Variants in SCOC observed in about 807,000 individuals in gnomAD.
SCOC encodes short coiled coil protein.
Under a neutral mutation model 9.9 loss-of-function variants are expected in SCOC, and 7 were observed. The ratio of observed to expected loss-of-function variants is 0.71; its 90% CI spans 0.40 to 1.33. The LOEUF (loss-of-function observed/expected upper bound fraction) is 1.33. Among genes scored for constraint, SCOC ranks in the 40% most tolerant of loss-of-function variants. SCOC has a pLI of 0.01. For missense variants in SCOC, 66 were observed against 89.7 expected (o/e 0.74, Z 1.07); for synonymous variants, 19 against 28.2 (o/e 0.67, Z 1.03).
At chr4:140,348,591 C>CACACA (rs2126523230) in intron 2 of SCOC, among the ~76,000 whole-genome samples, 1 of 152,124 alleles carries the variant, frequency 6.6e-6, no homozygotes, top group Non-Finnish European at 1.5e-5. Flanking sequence ...CACACACACA[C>CACACA]ATCACATTTT....
chr4:140,326,717 GT>G (rs1432450185), intron 1 of SCOC, among the ~76,000 whole-genome samples: 3 of 151,940 alleles, frequency 2.0e-5, no homozygotes, highest in Non-Finnish European at 2.9e-5. Flanking sequence ...TTATTATCTT[GT>G]TTTAAACATA....
intron 1 of SCOC, among the ~76,000 whole-genome samples, chr4:140,329,524 T>C (rs1732746463): frequency 6.6e-6 from 1 of 151,750 alleles, no homozygotes; most frequent in South Asian, 2.1e-4. Context: ...ATCCTTAGAG[T>C]GGGAGAAAAT....
rs539535114 is a variant in SCOC at position 140,317,811 on chromosome 4, T to C, written c.-18-25810T>C. Among the ~76,000 whole-genome samples the C allele has an allele frequency of 2.5e-4, 37 of 150,838 alleles. No individual in the cohort carries two copies. In the East Asian group the frequency reaches 3.7e-3, roughly 15 times the overall value. ...GCGCTGCACCCACTAACTCGTCATC[T>C]AGCATTAGGTATATCTCCCAGTGCT... On this transcript the variant is annotated intron_variant, in intron 1 of 4. Transcript: ENST00000394205.
upstream of SCOC, among the ~76,000 whole-genome samples, chr4:140,370,995 C>G (rs955834542): frequency 9.9e-5 from 15 of 151,884 alleles, no homozygotes; most frequent in Admixed American, 9.8e-4. Flanking sequence ...ATGCCACTCT[C>G]CTGCCTCAGC....
intron 1 of SCOC, among the ~76,000 whole-genome samples, chr4:140,286,714 G>C (rs975558474): frequency 3.3e-5 from 5 of 152,226 alleles, no homozygotes; most frequent in Non-Finnish European, 7.3e-5. Flanking sequence ...GTTAGCTTGT[G>C]GCCCAATACT....
intron 2 of SCOC, among the ~76,000 whole-genome samples, chr4:140,364,449 T>C (rs914073138): frequency 2.6e-5 from 4 of 152,124 alleles, no homozygotes; most frequent in East Asian, 3.9e-4. Flanking sequence ...AGGTTTCTAA[T>C]GCAGATCAAA....
chr4:140,323,597 T>C (rs1381953910), intron 1 of SCOC, among the ~76,000 whole-genome samples: 1 of 152,058 alleles, frequency 6.6e-6, no homozygotes, highest in Non-Finnish European at 1.5e-5. Flanking sequence ...AAGAGAATAG[T>C]ACAGACAACA....
At chr4:140,278,753 A>G (rs550812969) in intron 1 of SCOC, among the ~76,000 whole-genome samples, 61 of 152,316 alleles carry the variant, frequency 4.0e-4, no homozygotes, top group African/African-American at 1.3e-3. Flanking sequence ...CTTTTATGCC[A>G]GGACATTGGC....
chr4:140,370,403 T>C (rs1203511560), upstream of SCOC, among the ~76,000 whole-genome samples: 1 of 152,248 alleles, frequency 6.6e-6, no homozygotes, highest in Middle Eastern at 3.2e-3. Context: ...TCAGGTCTTC[T>C]ATATCAATAG....
At chr4:140,258,437 G>T (rs1185699358) in intron 1 of SCOC, among the ~76,000 whole-genome samples, 1 of 152,032 alleles carries the variant, frequency 6.6e-6, no homozygotes. Flanking sequence ...GGATTTTTTT[G>T]ATTAAGGGTT....
chr4:140,328,417 G>A (rs1399595363), intron 1 of SCOC, among the ~76,000 whole-genome samples: 1 of 152,182 alleles, frequency 6.6e-6, no homozygotes, highest in Non-Finnish European at 1.5e-5. Flanking sequence ...TCACCTCAGA[G>A]TGTAGGATAA....
chr4:140,262,814 G>GGAGA lies in SCOC; in HGVS notation c.-19+5422_-19+5425dup, dbSNP rs140878600. Among the ~76,000 whole-genome samples, 140 of 149,764 alleles carry GGAGA rather than the reference G, an allele frequency of 9.3e-4. 1 individual carries two copies. Among genetic ancestry groups the GGAGA allele is most frequent in the African/African-American group, 2.7e-3 (110 of 40,748 alleles). On this transcript the variant is annotated intron_variant, in intron 1 of 4. Coordinates refer to the SCOC transcript ENST00000394205. ...AGCAAGAACCTCTTACATGGCAGCA[G>GGAGA]GAGAGAGAGAGAGAGAGAGAGTGAA...
chr4:140,293,374 C>T (rs751239574), intron 1 of SCOC: 102 of 456,774 alleles, frequency 2.2e-4, no homozygotes, highest in Middle Eastern at 6.5e-4. Context: ...GTCTTCTGAG[C>T]AGGGCACGCC....
intron 1 of SCOC, among the ~76,000 whole-genome samples, chr4:140,257,801 G>A (rs771813390): frequency 8.5e-5 from 13 of 152,280 alleles, no homozygotes; most frequent in African/African-American, 2.4e-4. Context: ...CTATCCTCCC[G>A]TTTCCATGTG....
chr4:140,332,750 G>C (rs966213168), intron 1 of SCOC, among the ~76,000 whole-genome samples: 2 of 152,044 alleles, frequency 1.3e-5, no homozygotes, highest in African/African-American at 4.8e-5. Flanking sequence ...TTTGAAATCT[G>C]TCCAGGATTT....
intron 1 of SCOC, among the ~76,000 whole-genome samples, chr4:140,280,275 C>T (rs1731069107): frequency 6.6e-6 from 1 of 152,080 alleles, no homozygotes; most frequent in Non-Finnish European, 1.5e-5. Flanking sequence ...GCTAGCATGC[C>T]CTGCTAATTT....
At chr4:140,322,987 T>C (rs1223087919) in intron 1 of SCOC, among the ~76,000 whole-genome samples, 1 of 151,952 alleles carries the variant, frequency 6.6e-6, no homozygotes, top group African/African-American at 2.4e-5. Context: ...GGAAATAATA[T>C]AGAACATAAA....
chr4:140,281,356 C>CT (rs1731091196), intron 1 of SCOC, among the ~76,000 whole-genome samples: 2 of 152,108 alleles, frequency 1.3e-5, no homozygotes, highest in Non-Finnish European at 2.9e-5. Flanking sequence ...GAAGGGTTCT[C>CT]CCTTAACAGT....
At chr4:140,353,597 G>C (rs1727078085) in intron 2 of SCOC, among the ~76,000 whole-genome samples, 1 of 152,038 alleles carries the variant, frequency 6.6e-6, no homozygotes, top group Non-Finnish European at 1.5e-5. Flanking sequence ...ATTTTTAGTA[G>C]AGACAGGGTT....
Sources: gnomAD v4.1 joint callset for allele counts (sites outside exome capture counted in the v4.1 genomes callset) on GRCh38, gnomAD v4.1.1 for gene constraint, MANE v1.5 for transcripts, NCBI Gene and HGNC (gene_info 2026-07-23, HGNC 2026-07-21) for gene names.